PPP1R12C: variants seen among roughly 807,000 people sequenced by gnomAD.
The protein encoded by PPP1R12C is leukocyte receptor cluster (LRC) encoded novel gene 3.
A neutral mutation model predicts 95.6 loss-of-function variants in PPP1R12C; 48 were observed. The observed-to-expected ratio is 0.50, with a 90% CI of 0.40 to 0.64. The LOEUF (loss-of-function observed/expected upper bound fraction) is 0.64. Among genes scored for constraint, PPP1R12C ranks in the 30% least tolerant of loss-of-function variants. The pLI is 0.00. For synonymous variants in PPP1R12C, 480 were observed against 460.8 expected (o/e 1.04, Z -0.53); for missense variants, 1,057 against 1,083.3 (o/e 0.98, Z 0.34).
At chr19:55,104,199 T>TATACACAC (rs34075382) in intron 3 of PPP1R12C, among the ~76,000 whole-genome samples, 1 of 120,044 alleles carries the variant, frequency 8.3e-6, no homozygotes, top group African/African-American at 3.7e-5. Flanking sequence ...TATATATATA[T>TATACACAC]ACACACACAC....
At chr19:55,101,495 C>A (rs1024196672) in intron 4 of PPP1R12C, among the ~76,000 whole-genome samples, 5 of 152,312 alleles carry the variant, frequency 3.3e-5, no homozygotes, top group Admixed American at 3.3e-4. Flanking sequence ...ATGTGACTAG[C>A]GTCTGGCAAA....
Position 55,117,526 on chromosome 19 carries a change from G to A in PPP1R12C, c.18C>T (p.Gly6=). 2.0e-6 allele frequency: 2 copies of A among 1,023,848 alleles called. No individual in the cohort carries two copies. Among genetic ancestry groups the A allele is most frequent in the Non-Finnish European group, 1.2e-6 (1 of 856,010 alleles). The allele number at this position is 1,023,848 out of a possible 1,614,324, so 63.4% of individuals were successfully genotyped here. Residue 6 remains glycine, a synonymous_variant, in exon 1 of 22, where the codon GGC becomes GGT. Coordinates refer to ENST00000263433, the MANE Select transcript of PPP1R12C (RefSeq NM_017607.4). MSGED[G]PAAGPGAAAA... is the part of the protein sequence containing the mutation. ...CCGCCGCCCCCGGGCCAGCCGCCGGGCCATCCTCTCCGGACATCGCACCGC... is the reference window on the plus strand; with the variant it reads ...CCGCCGCCCCCGGGCCAGCCGCCGGACCATCCTCTCCGGACATCGCACCGC...
intron 4 of PPP1R12C, 39 bp downstream of exon 4, chr19:55,103,370 G>A (rs757787836): frequency 4.2e-6 from 6 of 1,418,252 alleles, no homozygotes; most frequent in Admixed American, 2.6e-5. Context: ...CCACAGGAAG[G>A]TATAAGACAG....
chr19:55,095,539 A>G lies in PPP1R12C; in HGVS notation c.1292T>C (p.Leu431Pro). 6.3e-7 allele frequency: 1 copy of G among 1,592,580 alleles called. No homozygotes were observed. Among genetic ancestry groups the G allele is most frequent in the Middle Eastern group, 1.7e-4 (1 of 6,006 alleles). The change falls in exon 10 of 22, where the codon CTG becomes CCG. Residue 431 changes from leucine to proline, a missense_variant. This residue lies in a region of PPP1R12C where 356 missense variants were observed against 330.5 expected (regional missense o/e 1.08). Coordinates refer to ENST00000263433, the MANE Select transcript of PPP1R12C (RefSeq NM_017607.4). ...CGCTGTCCGCCTTTCAGGGGGACCCAGGGCACCAGAACTCCCTGTCTTCAG... is the reference window on the plus strand; with the variant it reads ...CGCTGTCCGCCTTTCAGGGGGACCCGGGGCACCAGAACTCCCTGTCTTCAG... ...GLLKTGSSGA[L>P]GPPERRTAEG...
At position 55,096,191 on chromosome 19, in the gene PPP1R12C, G is replaced by A. The variant is rs374063369; in HGVS notation, c.1026-13C>T. The A allele has an allele frequency of 4.4e-6, 7 of 1,609,002 alleles. No homozygotes were observed. The highest frequency in any genetic ancestry group is 4.0e-5 in the African/African-American group (3 of 74,708). ...ACACACAGAGCTCCTGTTGGGGAAG[G>A]AGAGGGTGCTGGGGTACAAGCCCGG... On this transcript the variant is annotated splice_polypyrimidine_tract_variant and intron_variant, in intron 7 of 21. Transcript: ENST00000263433.
Position 55,091,870 on chromosome 19 carries a change from G to C in PPP1R12C, c.2200C>G (p.Leu734Val), listed in dbSNP as rs1398807170. The C allele has an allele frequency of 6.2e-7, 1 of 1,613,298 alleles. No homozygotes were observed. The highest frequency in any genetic ancestry group is 1.3e-5 in the African/African-American group (1 of 74,922). Residue 734 changes from leucine to valine, a missense_variant, in exon 20 of 22, where the codon CTG becomes GTG. By Grantham distance (32) the Leu-to-Val change is conservative. This residue lies in a region of PPP1R12C where 347 missense variants were observed against 307.9 expected (regional missense o/e 1.13). Transcript: ENST00000263433. ...CTGCCCCTACTCACGAATCTCTCCAGTTCCAGGAGGGCTGGCCTCTCAGCG... is the reference window on the plus strand; with the variant it reads ...CTGCCCCTACTCACGAATCTCTCCACTTCCAGGAGGGCTGGCCTCTCAGCG... ...RFAERPALLE[L>V]ERFERRALER...
In PPP1R12C at chr19:55,092,879, G is replaced by A. The variant is rs752038640; in HGVS notation, c.1826-11C>T. On this transcript the variant is annotated splice_polypyrimidine_tract_variant and intron_variant, in intron 15 of 21. Coordinates refer to ENST00000263433, the MANE Select transcript of PPP1R12C (RefSeq NM_017607.4). ...CGTCGGGCGCCTCTGCTGGGGGAGG[G>A]GCAGGAATCAGCCCAGGCACCTCCA... is the stretch of plus-strand genomic sequence containing the variant. 6.3e-7 allele frequency: 1 copy of A among 1,599,154 alleles called. No homozygotes were observed. Among genetic ancestry groups the A allele is most frequent in the Non-Finnish European group, 8.5e-7 (1 of 1,173,748 alleles).
At chr19:55,099,837 C>T (rs1157165027) in intron 4 of PPP1R12C, among the ~76,000 whole-genome samples, 1 of 152,204 alleles carries the variant, frequency 6.6e-6, no homozygotes, top group Non-Finnish European at 1.5e-5. Flanking sequence ...AGGCCACTCT[C>T]CAAGCTCAGC....
intron 3 of PPP1R12C, among the ~76,000 whole-genome samples, chr19:55,110,229 G>A (rs1056193263): frequency 7.2e-5 from 11 of 152,260 alleles, no homozygotes; most frequent in East Asian, 1.9e-4. Context: ...GAACCAGAGC[G>A]GGAGAGGCTA....
intron 9 of PPP1R12C, 94 bp from the exon 10 acceptor site, chr19:55,095,697 C>G (rs2084903144): frequency 6.7e-7 from 1 of 1,498,402 alleles, no homozygotes; most frequent in Non-Finnish European, 9.0e-7. Context: ...AACTACAATT[C>G]CCATCAGCCC....
intron 3 of PPP1R12C, among the ~76,000 whole-genome samples, chr19:55,106,267 T>C (rs1453552260): frequency 6.6e-6 from 1 of 152,220 alleles, no homozygotes; most frequent in Non-Finnish European, 1.5e-5. Context: ...TGGTGTGGGC[T>C]CCGACCTCTT....
chr19:55,109,474 T>G lies in PPP1R12C; in HGVS notation c.571+2993A>C, dbSNP rs1189760540. Among the ~76,000 whole-genome samples the G allele has an allele frequency of 6.6e-6, 1 of 152,192 alleles. No individual in the cohort carries two copies. The highest frequency in any genetic ancestry group is 2.4e-5 in the African/African-American group (1 of 41,426). Reference sequence around the variant, plus strand: ...AAAGAGTCATGCCCGATTCAGCCCCTGAGTCGACTGGGCCAGAGGACTTTG... The same window carrying G: ...AAAGAGTCATGCCCGATTCAGCCCCGGAGTCGACTGGGCCAGAGGACTTTG... On this transcript the variant is annotated intron_variant, in intron 3 of 21. Coordinates refer to ENST00000263433, the MANE Select transcript of PPP1R12C (RefSeq NM_017607.4). The surrounding 1 kb of genome is among the most constrained non-coding windows in gnomAD (Gnocchi z 4.4).
Position 55,092,341 on chromosome 19 carries a change from G to GA in PPP1R12C, c.2056-16dup, listed in dbSNP as rs2084853228. The GA allele has an allele frequency of 6.3e-7, 1 of 1,584,554 alleles. No individual in the cohort carries two copies. The highest frequency in any genetic ancestry group is 1.3e-5 in the African/African-American group (1 of 74,468). On this transcript the variant is annotated splice_polypyrimidine_tract_variant and intron_variant, in intron 18 of 21. Coordinates refer to ENST00000263433, the MANE Select transcript of PPP1R12C (RefSeq NM_017607.4). ...TCTGCATACAGCTGGGGGTCAGGTA[G>GA]AGGAGGGTCAGGTGGAGGATGGGGC...
At position 55,117,476 on chromosome 19, in the gene PPP1R12C, C is replaced by G; in HGVS notation, c.68G>C (p.Arg23Pro). ...AAAAAARERR[R>P]EQLRQWGARA... ...CGCCCCCCACTGCCGCAGCTGCTCCCGTCGCCGCTCCCGGGCAGCCGCCGC... is the reference window on the plus strand; with the variant it reads ...CGCCCCCCACTGCCGCAGCTGCTCCGGTCGCCGCTCCCGGGCAGCCGCCGC... Residue 23 changes from arginine (R) to proline (P), a missense_variant, in exon 1 of 22, where the codon CGG becomes CCG. Arg to Pro is a moderately radical substitution (Grantham distance 103). Transcript: ENST00000263433. The G allele has an allele frequency of 4.9e-6, 5 of 1,019,512 alleles. No homozygotes were observed. Among genetic ancestry groups the G allele is most frequent in the Non-Finnish European group, 5.9e-6 (5 of 853,904 alleles). 63.2% of individuals were successfully genotyped at this position (1,019,512 alleles called of 1,614,324 possible).
Position 55,093,164 on chromosome 19 carries a change from C to A in PPP1R12C, c.1753G>T (p.Ala585Ser). 6.2e-7 allele frequency: 1 copy of A among 1,613,742 alleles called. No individual in the cohort carries two copies. The highest frequency in any genetic ancestry group is 8.5e-7 in the Non-Finnish European group (1 of 1,179,966). Residue 585 changes from alanine (A) to serine (S), a missense_variant, in exon 14 of 22, where the codon GCG becomes TCG. Ala to Ser is a moderately conservative substitution (Grantham distance 99, BLOSUM62 1). This residue lies in a region of PPP1R12C where 347 missense variants were observed against 307.9 expected (regional missense o/e 1.13). Coordinates refer to ENST00000263433, the MANE Select transcript of PPP1R12C (RefSeq NM_017607.4). The part of the protein sequence containing the change: ...AGKAPESEKP[A>S]QSLDPSRRPR... ...CTGACCCCTCTCACCAGGCTCTGCG[C>A]CGGCTTCTCTGACTCTGGGGCCTTC...
At chr19:55,096,417 A>G in intron 6 of PPP1R12C, 82 bp from the exon 7 acceptor site, 1 of 1,495,368 alleles carries the variant, frequency 6.7e-7, no homozygotes, top group African/African-American at 1.4e-5. Flanking sequence ...GCTGTGCAGG[A>G]GCTCACTGCC....
In PPP1R12C at chr19:55,117,400, G is replaced by A; in HGVS notation, c.144C>T (p.Arg48=). 2 of 1,041,074 alleles carry A rather than the reference G, an allele frequency of 1.9e-6. No homozygotes were observed. The highest frequency in any genetic ancestry group is 2.3e-6 in the Non-Finnish European group (2 of 868,258). 64.5% of individuals were successfully genotyped at this position (1,041,074 alleles called of 1,614,324 possible). Reference sequence around the variant, plus strand: ...CCAGGAACTCGGCGGCGCGCTCGAAGCGGACGGTGCGGGCGCGGCGCTCTC... The same window carrying A: ...CCAGGAACTCGGCGGCGCGCTCGAAACGGACGGTGCGGGCGCGGCGCTCTC... ...GPGERRARTV[R]FERAAEFLAA... Residue 48 remains arginine, a synonymous_variant, in exon 1 of 22, where the codon CGC becomes CGT. Transcript: ENST00000263433.
intron 9 of PPP1R12C, 63 bp downstream of exon 9, chr19:55,095,804 C>A: frequency 6.4e-7 from 1 of 1,572,394 alleles, no homozygotes; most frequent in Non-Finnish European, 8.7e-7. Flanking sequence ...GGTTCACAGG[C>A]TGTATGGAAT....
Position 55,113,749 on chromosome 19 carries a change from GA to G in PPP1R12C, c.322-955del, listed in dbSNP as rs972905951. On this transcript the variant is annotated intron_variant, in intron 1 of 21. Transcript: ENST00000263433. ...ATGAGGTCATGGAAACTCGGGCTGTGAAGGGGCCGCACGTGCCCTGGGAACG... is the reference window on the plus strand; with the variant it reads ...ATGAGGTCATGGAAACTCGGGCTGTGAGGGGCCGCACGTGCCCTGGGAACG... 20 of 437,092 alleles carry G rather than the reference GA, an allele frequency of 4.6e-5. No individual in the cohort carries two copies. The Admixed American group carries it at 5.2e-4, about 11-fold the overall frequency. 27.1% of individuals were successfully genotyped at this position (437,092 alleles called of 1,614,324 possible).
Sources: gnomAD v4.1 joint callset for allele counts (sites outside exome capture counted in the v4.1 genomes callset) on GRCh38, gnomAD v4.1.1 for gene constraint, gnomAD v4.1.1 regional missense constraint, Gnocchi (gnomAD v3.1) non-coding constraint, MANE v1.5 for transcripts, NCBI Gene and HGNC (gene_info 2026-07-23, HGNC 2026-07-21) for gene names.